ARHGAP32: variants seen among roughly 807,000 people sequenced by gnomAD.
ARHGAP32 encodes the protein Rho GTPase activating protein 32, also known as rho GTPase-activating protein 32.
A neutral mutation model predicts 186.5 loss-of-function variants in ARHGAP32; 51 were observed. The observed-to-expected ratio is 0.27, with a 90% CI of 0.22 to 0.35. ARHGAP32 has a LOEUF of 0.35. Ranked by LOEUF, ARHGAP32 falls within the 10% of genes least tolerant of loss-of-function variation. The pLI is 1.00. For synonymous variants in ARHGAP32, 950 were observed against 964.3 expected, an observed-to-expected ratio of 0.99 and a Z score of 0.27; for missense variants, 2,186 against 2,623.5, an observed-to-expected ratio of 0.83 and a Z score of 3.64.
chr11:129,084,849 T>A (rs2135235059), intron 6 of ARHGAP32, among the ~76,000 whole-genome samples: 1 of 152,252 alleles, frequency 6.6e-6, no homozygotes, highest in South Asian at 2.1e-4. Flanking sequence ...TGGAAAGGAA[T>A]AAAACTTTGT....
intron 18 of ARHGAP32, 50 bp from the exon 19 acceptor site, chr11:128,978,965 T>G: frequency 1.3e-6 from 2 of 1,518,148 alleles, no homozygotes; most frequent in Non-Finnish European, 1.8e-6. Flanking sequence ...GGGTCTGTCT[T>G]TTCTTACAGA....
rs574150150 is a variant in ARHGAP32 at position 129,075,031 on chromosome 11, A to C, written c.532-8163T>G. 2.0e-5 allele frequency among the ~76,000 whole-genome samples: 3 copies of C among 152,324 alleles called. No individual in the cohort carries two copies. The East Asian group carries it at 5.8e-4, about 29-fold the overall frequency. The stretch of plus-strand genomic sequence containing the variant: ...TAAATATATGTAATTTTTATTTGAC[A>C]ATTATATATATCACAATAAAGTTGG... On this transcript the variant is annotated intron_variant, in intron 6 of 22. Coordinates refer to ENST00000682385, the MANE Select transcript of ARHGAP32 (RefSeq NM_001378024.1).
chr11:129,180,790 C>T (rs181469872), intron 1 of ARHGAP32, among the ~76,000 whole-genome samples: 140 of 152,142 alleles, frequency 9.2e-4, no homozygotes, highest in Non-Finnish European at 1.0e-3. Context: ...CATCTTCAGA[C>T]TTAAACCTGA....
chr11:129,222,605 C>T (rs768569748), intron 1 of ARHGAP32, among the ~76,000 whole-genome samples: 1 of 152,042 alleles, frequency 6.6e-6, no homozygotes, highest in African/African-American at 2.4e-5. Context: ...AGATAGTTAC[C>T]CTCGTTTCCA....
chr11:129,062,858 G>A (rs1209039010), intron 9 of ARHGAP32, among the ~76,000 whole-genome samples: 1 of 134,776 alleles, frequency 7.4e-6, no homozygotes, highest in African/African-American at 2.7e-5. Flanking sequence ...GCCTAGGATG[G>A]GTTATTCTTA....
At chr11:129,222,609 G>A (rs1441697540) in intron 1 of ARHGAP32, among the ~76,000 whole-genome samples, 3 of 152,116 alleles carry the variant, frequency 2.0e-5, no homozygotes, top group Non-Finnish European at 4.4e-5. Context: ...AGTTACCCTC[G>A]TTTCCAAGAG....
intron 1 of ARHGAP32, among the ~76,000 whole-genome samples, chr11:129,248,966 C>T (rs527903254): frequency 1.3e-5 from 2 of 152,262 alleles, no homozygotes; most frequent in Non-Finnish European, 1.5e-5. Context: ...TTCCTCTAAA[C>T]GTGGTCACTT....
chr11:129,206,077 A>T (rs1333161705), intron 1 of ARHGAP32, among the ~76,000 whole-genome samples: 1 of 152,194 alleles, frequency 6.6e-6, no homozygotes, highest in South Asian at 2.1e-4. Flanking sequence ...TTCATTCGTA[A>T]ATAATTCAGC....
chr11:128,979,349 C>T (rs1475973437), intron 18 of ARHGAP32, among the ~76,000 whole-genome samples: 1 of 152,182 alleles, frequency 6.6e-6, no homozygotes, highest in African/African-American at 2.4e-5. Context: ...ATGCCAGGCA[C>T]TGTGCTACCT....
intron 11 of ARHGAP32, among the ~76,000 whole-genome samples, chr11:129,038,222 C>T (rs1007198006): frequency 6.6e-6 from 1 of 152,000 alleles, no homozygotes; most frequent in South Asian, 2.1e-4. Context: ...GGTAATTCAA[C>T]AGGAAAGAAA....
chr11:129,039,141 T>A (rs546616514), intron 11 of ARHGAP32, among the ~76,000 whole-genome samples: 3 of 152,292 alleles, frequency 2.0e-5, no homozygotes, highest in African/African-American at 7.2e-5. Flanking sequence ...ACACTGCTGG[T>A]GGAACTGCAA....
intron 1 of ARHGAP32, among the ~76,000 whole-genome samples, chr11:129,179,580 G>C (rs1421700757): frequency 6.6e-6 from 1 of 151,584 alleles, no homozygotes; most frequent in Non-Finnish European, 1.5e-5. Context: ...TTAAGAAAAT[G>C]TGGCACATAT....
intron 14 of ARHGAP32, 139 bp downstream of exon 14, chr11:128,986,384 TG>T: frequency 1.1e-6 from 1 of 878,874 alleles, no homozygotes; most frequent in Non-Finnish European, 1.7e-6. Context: ...ACCGACTAGC[TG>T]GCAATATTTG....
At chr11:129,054,973 C>T (rs1242451053) in intron 10 of ARHGAP32, among the ~76,000 whole-genome samples, 3 of 152,176 alleles carry the variant, frequency 2.0e-5, no homozygotes, top group African/African-American at 7.2e-5. Context: ...TAGAATAGAA[C>T]TTGGCAAAAT....
At chr11:129,189,196 A>G (rs1272747270) in intron 1 of ARHGAP32, among the ~76,000 whole-genome samples, 2 of 152,210 alleles carry the variant, frequency 1.3e-5, no homozygotes, top group Admixed American at 1.3e-4. Context: ...TTAGCAGAAG[A>G]TAGCCCCAAA....
intron 11 of ARHGAP32, among the ~76,000 whole-genome samples, chr11:129,037,396 AG>A (rs1197069486): frequency 6.6e-6 from 1 of 152,010 alleles, no homozygotes; most frequent in African/African-American, 2.4e-5. Context: ...CAGGAGGCTG[AG>A]GTGGAAAGAT....
At chr11:129,092,962 T>C (rs183419615) in intron 6 of ARHGAP32, among the ~76,000 whole-genome samples, 2 of 152,004 alleles carry the variant, frequency 1.3e-5, no homozygotes, top group Non-Finnish European at 2.9e-5. Flanking sequence ...AGTGCTTACA[T>C]GATGGGGGAA....
chr11:129,134,384 C>T (rs1003273798), intron 2 of ARHGAP32, among the ~76,000 whole-genome samples: 7 of 152,064 alleles, frequency 4.6e-5, no homozygotes, highest in African/African-American at 1.7e-4. Context: ...GAGTGCCTCA[C>T]CAGCGTAATC....
At chr11:129,216,726 A>G (rs1309430282) in intron 1 of ARHGAP32, among the ~76,000 whole-genome samples, 1 of 150,870 alleles carries the variant, frequency 6.6e-6, no homozygotes, top group East Asian at 1.9e-4. Flanking sequence ...GAGTCCCCAT[A>G]GGTTCTAATA....
Sources: allele counts gnomAD v4.1 joint callset (sites outside exome capture counted in the v4.1 genomes callset), GRCh38; gene constraint gnomAD v4.1.1; transcripts MANE v1.5; gene names NCBI Gene and HGNC (gene_info 2026-07-23, HGNC 2026-07-21).